Variants in IGF1R observed in about 807,000 individuals in gnomAD.
IGF1R encodes insulin-like growth factor 1 receptor.
In IGF1R, 44 loss-of-function variants were observed where a neutral mutation model predicts 144.6. The observed-to-expected ratio is 0.30, with a 90% CI of 0.24 to 0.39. The LOEUF (loss-of-function observed/expected upper bound fraction) is 0.39. Among genes scored for constraint, IGF1R ranks in the 10% least tolerant of loss-of-function variants. The pLI is 1.00. For synonymous variants in IGF1R, 795 were observed against 722.8 expected, an observed-to-expected ratio of 1.10 and a Z score of -1.60; for missense variants, 1,355 against 1,833.7, an observed-to-expected ratio of 0.74 and a Z score of 4.77.
chr15:98,805,720 T>C (rs979242156), intron 2 of IGF1R, among the ~76,000 whole-genome samples: 6 of 152,254 alleles, frequency 3.9e-5, no homozygotes, highest in African/African-American at 1.2e-4. Flanking sequence ...AATAAAATCG[T>C]AAAGTAGTTC....
intron 1 of IGF1R, among the ~76,000 whole-genome samples, chr15:98,654,936 C>A (rs912594155): frequency 2.0e-5 from 3 of 152,090 alleles, no homozygotes; most frequent in Non-Finnish European, 4.4e-5. Flanking sequence ...AGGAGGTTTT[C>A]CAGTTATTTG....
chr15:98,866,316 G>A (rs1441561491), intron 2 of IGF1R, among the ~76,000 whole-genome samples: 1 of 152,178 alleles, frequency 6.6e-6, no homozygotes, highest in East Asian at 1.9e-4. Flanking sequence ...TAAATCTGCA[G>A]CACGCTGCTT....
At chr15:98,899,786 G>C (rs902861588) in intron 5 of IGF1R, among the ~76,000 whole-genome samples, 165 bp downstream of exon 5, 3 of 152,154 alleles carry the variant, frequency 2.0e-5, no homozygotes, top group East Asian at 1.9e-4. Flanking sequence ...GTGGAGTCAT[G>C]GTTCTCCATT....
chr15:98,886,700 T>G (rs1475172605), intron 2 of IGF1R, among the ~76,000 whole-genome samples: 2 of 152,164 alleles, frequency 1.3e-5, no homozygotes, highest in Non-Finnish European at 2.9e-5. Flanking sequence ...CAGCCATCCA[T>G]CTGCTGGCGA....
At chr15:98,829,480 A>C (rs1468408075) in intron 2 of IGF1R, among the ~76,000 whole-genome samples, 1 of 152,248 alleles carries the variant, frequency 6.6e-6, no homozygotes, top group Non-Finnish European at 1.5e-5. Context: ...TCTACTTCTA[A>C]GAATGCATTT....
chr15:98,740,946 A>G (rs926098256), intron 2 of IGF1R, among the ~76,000 whole-genome samples: 3 of 152,234 alleles, frequency 2.0e-5, no homozygotes, highest in Admixed American at 6.5e-5. Flanking sequence ...GTATTCCTCA[A>G]GGATAGCTTT....
chr15:98,729,019 C>T (rs2054432811), intron 2 of IGF1R, among the ~76,000 whole-genome samples: 1 of 152,230 alleles, frequency 6.6e-6, no homozygotes, highest in Non-Finnish European at 1.5e-5. Flanking sequence ...CAGGGCCAGA[C>T]ATGGCACAAT....
chr15:98,741,247 T>G (rs1338744470), intron 2 of IGF1R, among the ~76,000 whole-genome samples: 6 of 149,826 alleles, frequency 4.0e-5, no homozygotes, highest in Non-Finnish European at 7.4e-5. Context: ...TTTTTTTTTT[T>G]TTTTTTTTTT....
chr15:98,790,241 AG>A (rs1466219536), intron 2 of IGF1R, among the ~76,000 whole-genome samples: 1 of 152,134 alleles, frequency 6.6e-6, no homozygotes, highest in African/African-American at 2.4e-5. Flanking sequence ...TTGAAGGGAA[AG>A]GGGGTGGCCT....
At chr15:98,654,987 A>C (rs192534386) in intron 1 of IGF1R, among the ~76,000 whole-genome samples, 1 of 152,270 alleles carries the variant, frequency 6.6e-6, no homozygotes, top group East Asian at 1.9e-4. Flanking sequence ...GGGGGAGGGT[A>C]GCAGCCCCAG....
rs117811226 is a variant in IGF1R, at chr15:98,849,829, G to A, written c.641-41496G>A. On this transcript the variant is annotated intron_variant, in intron 2 of 20. Coordinates refer to ENST00000650285, the MANE Select transcript of IGF1R (RefSeq NM_000875.5). ...AAAAAAAGTTTGATTTCACTCATAC[G>A]AGAAATGCAAATTAAAACTACACCA... 6.8e-4 allele frequency among the ~76,000 whole-genome samples: 103 copies of A among 152,280 alleles called. 1 individual carries two copies. The East Asian group carries it at 0.013, about 19-fold the overall frequency.
chr15:98,728,273 C>T lies in IGF1R; in HGVS notation c.640+20166C>T, dbSNP rs113482618. 1.4e-3 allele frequency among the ~76,000 whole-genome samples: 213 copies of T among 152,198 alleles called. 1 individual carries two copies. Among genetic ancestry groups the T allele is most frequent in the African/African-American group, 5.0e-3 (207 of 41,550 alleles). On this transcript the variant is annotated intron_variant, in intron 2 of 20. Transcript: ENST00000650285. ...TTGTTGCCGCTGGCCATCACAGATC[C>T]CGGTGCCTGTCTGTGAAAGGCTGGC...
chr15:98,721,115 A>G (rs958050571), intron 2 of IGF1R, among the ~76,000 whole-genome samples: 1 of 152,132 alleles, frequency 6.6e-6, no homozygotes. Context: ...GACGTTACCT[A>G]CTGAGGCTAC....
chr15:98,868,327 C>CAGAAAA (rs2012569908), intron 2 of IGF1R, among the ~76,000 whole-genome samples: 1 of 49,854 alleles, frequency 2.0e-5, no homozygotes, highest in Non-Finnish European at 3.6e-5. Flanking sequence ...ACCTTGTCTC[C>CAGAAAA]AAAAAAAAAA....
intron 2 of IGF1R, among the ~76,000 whole-genome samples, chr15:98,888,679 C>CA (rs1456734528): frequency 6.6e-6 from 1 of 152,110 alleles, no homozygotes. Context: ...TCCTTATCAA[C>CA]AAAATGGCAT....
chr15:98,766,409 C>A (rs1279870204), intron 2 of IGF1R, among the ~76,000 whole-genome samples: 1 of 152,114 alleles, frequency 6.6e-6, no homozygotes, highest in Non-Finnish European at 1.5e-5. Flanking sequence ...TGGATTTATA[C>A]TTTAAAGTAG....
intron 2 of IGF1R, among the ~76,000 whole-genome samples, chr15:98,736,804 G>T (rs1031903531): frequency 1.3e-5 from 2 of 151,846 alleles, no homozygotes; most frequent in African/African-American, 4.8e-5. Context: ...TAGAGACGAC[G>T]TTTCACCATG....
At chr15:98,940,657 G>A (rs1279295147) in intron 18 of IGF1R, among the ~76,000 whole-genome samples, 5 of 151,950 alleles carry the variant, frequency 3.3e-5, no homozygotes, top group Non-Finnish European at 7.4e-5. Context: ...CACGCACCTC[G>A]GCCTCCCAAA....
intron 2 of IGF1R, among the ~76,000 whole-genome samples, chr15:98,714,526 G>A (rs1020287392): frequency 6.6e-6 from 1 of 152,022 alleles, no homozygotes; most frequent in Non-Finnish European, 1.5e-5. Context: ...CGTGCCTATA[G>A]TCCCAGCACT....
Sources: gnomAD v4.1 joint callset for allele counts (sites outside exome capture counted in the v4.1 genomes callset) on GRCh38, gnomAD v4.1.1 for gene constraint, MANE v1.5 for transcripts, NCBI Gene and HGNC (gene_info 2026-07-23, HGNC 2026-07-21) for gene names.